KCNJ6: variants seen among roughly 807,000 people sequenced by gnomAD.
KCNJ6 encodes the protein potassium inwardly rectifying channel subfamily J member 6.
A neutral mutation model predicts 34.2 loss-of-function variants in KCNJ6; 9 were observed. The ratio of observed to expected loss-of-function variants is 0.26; its 90% CI spans 0.16 to 0.46. The LOEUF is 0.46. Ranked by LOEUF, KCNJ6 falls within the 20% of genes least tolerant of loss-of-function variation. The pLI, the probability that KCNJ6 is intolerant of heterozygous loss-of-function variation, is 1.00. For synonymous variants in KCNJ6, 196 were observed against 207.1 expected (o/e 0.95, Z 0.46); for missense variants, 236 against 531.3 (o/e 0.44, Z 5.46).
At chr21:37,747,048 T>C (rs1323059675) in intron 2 of KCNJ6, among the ~76,000 whole-genome samples, 8 of 152,216 alleles carry the variant, frequency 5.3e-5, no homozygotes, top group Non-Finnish European at 1.5e-5. Context: ...GTGTGAGCCC[T>C]GCTGGAAGCT....
chr21:37,740,166 A>G (rs574478446), intron 2 of KCNJ6, among the ~76,000 whole-genome samples: 1 of 152,286 alleles, frequency 6.6e-6, no homozygotes, highest in East Asian at 1.9e-4. Flanking sequence ...ACGCCCCCCA[A>G]CCATCTGAGT....
At chr21:37,887,677 A>G (rs2123630953) in intron 1 of KCNJ6, among the ~76,000 whole-genome samples, 1 of 152,296 alleles carries the variant, frequency 6.6e-6, no homozygotes, top group Non-Finnish European at 1.5e-5. Context: ...ATGACCTTCA[A>G]GAAGAAACAG....
At chr21:37,895,100 G>T (rs2055781489) in intron 1 of KCNJ6, among the ~76,000 whole-genome samples, 1 of 152,180 alleles carries the variant, frequency 6.6e-6, no homozygotes, top group Non-Finnish European at 1.5e-5. Context: ...TAACTAAAAT[G>T]ACATATGCTA....
intron 3 of KCNJ6, among the ~76,000 whole-genome samples, chr21:37,707,048 C>T (rs1787425): frequency 1 from 152,346 of 152,346 alleles, 76,173 homozygotes; most frequent in Non-Finnish European, 1. Flanking sequence ...TGCAAAGTCC[C>T]TTCTGACTGA....
At position 37,717,886 on chromosome 21, in the gene KCNJ6, C is replaced by T. The variant is rs1351755003; in HGVS notation, c.26-2755G>A. On this transcript the variant is annotated intron_variant, in intron 2 of 3. Transcript: ENST00000609713. ...AAGGAAATTTATTCCTGCCTCCCCTCCATCTCCAATTTGTAGGCTTTATCC... is the reference window on the plus strand; with the variant it reads ...AAGGAAATTTATTCCTGCCTCCCCTTCATCTCCAATTTGTAGGCTTTATCC... 2.6e-5 allele frequency among the ~76,000 whole-genome samples: 4 copies of T among 152,236 alleles called. No individual in the cohort carries two copies. The East Asian group carries it at 5.8e-4, about 22-fold the overall frequency.
At chr21:37,824,262 A>G (rs2055388298) in intron 2 of KCNJ6, among the ~76,000 whole-genome samples, 1 of 152,212 alleles carries the variant, frequency 6.6e-6, no homozygotes, top group Admixed American at 6.5e-5. Flanking sequence ...CCTTTCTCTT[A>G]ATGTCATATT....
chr21:37,661,614 G>GTTCTTTTTTTTTTTTTTTTTTTT (rs766622814), intron 3 of KCNJ6, among the ~76,000 whole-genome samples: 1 of 71,172 alleles, frequency 1.4e-5, no homozygotes, highest in African/African-American at 5.4e-5. Context: ...AAGAGACATA[G>GTTCTTTTTTTTTTTTTTTTTTTT]TTTTTTTTTT....
intron 2 of KCNJ6, among the ~76,000 whole-genome samples, chr21:37,723,964 T>C (rs1409500762): frequency 6.6e-6 from 1 of 150,904 alleles, no homozygotes. Context: ...AAGAACAGCA[T>C]GTGTAAAAGT....
Position 37,625,062 on chromosome 21 carries a change from TAAAG to T in KCNJ6, c.*93_*96del, listed in dbSNP as rs1437522915. 2 of 942,626 alleles carry T rather than the reference TAAAG, an allele frequency of 2.1e-6. No homozygotes were observed. Among genetic ancestry groups the T allele is most frequent in the Admixed American group, 4.6e-5 (2 of 43,458 alleles). The allele number at this position is 942,626 out of a possible 1,614,324, so 58.4% of individuals were successfully genotyped here. A position where few individuals can be genotyped will look rare whatever the true frequency, so the allele number is the denominator to read the frequency against. On this transcript the variant is annotated 3_prime_UTR_variant, in exon 4 of 4. Transcript: ENST00000609713. Reference sequence around the variant, plus strand: ...CATGTAAAAATTAAATATAAACAAATAAAGAACAAAGCAAGAGAGACAGAAAAAG... The same window carrying T: ...CATGTAAAAATTAAATATAAACAAATAACAAAGCAAGAGAGACAGAAAAAG...
At chr21:37,785,415 C>T (rs755385561) in intron 2 of KCNJ6, among the ~76,000 whole-genome samples, 3 of 152,198 alleles carry the variant, frequency 2.0e-5, no homozygotes, top group African/African-American at 7.2e-5. Context: ...AAAGGCTCAC[C>T]GTGATCCTCT....
chr21:37,715,190 A>G, intron 2 of KCNJ6, 59 bp from the exon 3 acceptor site: 1 of 1,415,338 alleles, frequency 7.1e-7, no homozygotes, highest in Non-Finnish European at 9.6e-7. Flanking sequence ...TTTGAGGACA[A>G]TGGAACGGCA....
chr21:37,883,059 C>T (rs1163479482), intron 1 of KCNJ6, among the ~76,000 whole-genome samples: 2 of 152,166 alleles, frequency 1.3e-5, no homozygotes, highest in Non-Finnish European at 2.9e-5. Flanking sequence ...CGCGCTTTTA[C>T]GCCGGTGCAG....
At chr21:37,827,158 G>C (rs2055403096) in intron 2 of KCNJ6, among the ~76,000 whole-genome samples, 1 of 152,162 alleles carries the variant, frequency 6.6e-6, no homozygotes, top group South Asian at 2.1e-4. Flanking sequence ...TATTTGGTTT[G>C]GGTTTGACTT....
At chr21:37,850,133 A>G (rs371964920) in intron 1 of KCNJ6, among the ~76,000 whole-genome samples, 8 of 152,302 alleles carry the variant, frequency 5.3e-5, no homozygotes, top group African/African-American at 1.9e-4. Context: ...CAGGGAAAGA[A>G]ATCCCTGATT....
chr21:37,731,411 C>A (rs961082740), intron 2 of KCNJ6, among the ~76,000 whole-genome samples: 2 of 152,144 alleles, frequency 1.3e-5, no homozygotes, highest in African/African-American at 4.8e-5. Context: ...CTTACAAAAT[C>A]ATAAGTTGGG....
At chr21:37,836,533 T>C (rs2055452489) in intron 2 of KCNJ6, among the ~76,000 whole-genome samples, 1 of 152,180 alleles carries the variant, frequency 6.6e-6, no homozygotes, top group South Asian at 2.1e-4. Context: ...ATGTGGCACA[T>C]ATACACCATG....
At chr21:37,779,822 T>C (rs568340014) in intron 2 of KCNJ6, among the ~76,000 whole-genome samples, 1 of 152,378 alleles carries the variant, frequency 6.6e-6, no homozygotes, top group South Asian at 2.1e-4. Flanking sequence ...TTGTATGTAC[T>C]GAAAATCTTC....
intron 3 of KCNJ6, among the ~76,000 whole-genome samples, chr21:37,652,405 T>G (rs886431877): frequency 2.0e-5 from 3 of 152,148 alleles, no homozygotes; most frequent in Non-Finnish European, 4.4e-5. Flanking sequence ...AGAATGGAAG[T>G]ATCAACAACT....
intron 2 of KCNJ6, among the ~76,000 whole-genome samples, chr21:37,720,145 A>AT (rs2054817336): frequency 6.6e-6 from 1 of 152,178 alleles, no homozygotes; most frequent in South Asian, 2.1e-4. Flanking sequence ...TTAAACAAAC[A>AT]TTTTTGAAAT....
Sources: allele counts gnomAD v4.1 joint callset (sites outside exome capture counted in the v4.1 genomes callset), GRCh38; gene constraint gnomAD v4.1.1; transcripts MANE v1.5; gene names NCBI Gene and HGNC (gene_info 2026-07-23, HGNC 2026-07-21).